The following CPM variants were observed in gnomAD, a reference collection of about 807,000 sequenced individuals.
CPM encodes carboxypeptidase M.
A neutral mutation model predicts 46.4 loss-of-function variants in CPM; 35 were observed. The observed-to-expected ratio is 0.75, with a 90% confidence interval of 0.58 to 1.00. The LOEUF is 1.00. Among genes scored for constraint, CPM ranks in the 50% least tolerant of loss-of-function variants. The pLI is 0.00. For missense variants in CPM, 422 were observed against 530.4 expected, an observed-to-expected ratio of 0.80 and a Z score of 2.01; for synonymous variants, 195 against 195.3, an observed-to-expected ratio of 1.00 and a Z score of 0.01.
intron 3 of CPM, among the ~76,000 whole-genome samples, chr12:68,881,877 C>T (rs186649389): frequency 1.7e-4 from 26 of 151,892 alleles, no homozygotes; most frequent in African/African-American, 6.3e-4. Context: ...CCCACAACTG[C>T]ACCCAGCTAA....
intron 2 of CPM, among the ~76,000 whole-genome samples, chr12:68,918,454 G>T (rs1887900370): frequency 6.6e-6 from 1 of 152,164 alleles, no homozygotes; most frequent in Non-Finnish European, 1.5e-5. Flanking sequence ...GAAAATGTCT[G>T]AATCAGAGCC....
chr12:68,858,732 GGT>G (rs1491427696), intron 8 of CPM, among the ~76,000 whole-genome samples, 189 bp downstream of exon 8: 168 of 90,538 alleles, frequency 1.9e-3, no homozygotes, highest in African/African-American at 9.2e-3. Flanking sequence ...GAATTTTTGT[GGT>G]TTTTTTTTTT....
chr12:68,950,237 G>T (rs1888912928), intron 1 of CPM, among the ~76,000 whole-genome samples: 1 of 152,164 alleles, frequency 6.6e-6, no homozygotes, highest in Admixed American at 6.5e-5. Context: ...TAGCATTGAT[G>T]CTTCAAGAAG....
chr12:68,869,200 A>G (rs1176294464), intron 6 of CPM, 125 bp downstream of exon 6: 1 of 732,930 alleles, frequency 1.4e-6, no homozygotes, highest in African/African-American at 1.8e-5. Flanking sequence ...ATATTAGCTG[A>G]TAAGGACAGA....
rs142887704 is a variant in CPM, at chr12:68,896,538, C to T, written c.161-10649G>A. 1.9e-3 allele frequency among the ~76,000 whole-genome samples: 286 copies of T among 152,162 alleles called. 2 individuals are homozygous for T. Among genetic ancestry groups the T allele is most frequent in the African/African-American group, 6.3e-3 (263 of 41,516 alleles). On this transcript the variant is annotated intron_variant, in intron 2 of 8. Coordinates refer to ENST00000551568, the MANE Select transcript of CPM (RefSeq NM_198320.5). ...CTTGGAGTCCGAGTCACCTTTGGTC[C>T]GGGGATTAGATGAAACTGTTTTCCA...
chr12:68,878,874 C>A (rs1383341482), intron 3 of CPM, among the ~76,000 whole-genome samples: 1 of 152,308 alleles, frequency 6.6e-6, no homozygotes, highest in African/African-American at 2.4e-5. Flanking sequence ...TTCCTACCCC[C>A]CATCTCCCCA....
upstream of CPM, among the ~76,000 whole-genome samples, chr12:68,934,790 A>G (rs527944990): frequency 6.6e-6 from 1 of 152,332 alleles, no homozygotes; most frequent in East Asian, 1.9e-4. Flanking sequence ...ACCTACCTAA[A>G]TAAGGTTGGC....
At position 68,953,904 on chromosome 12, in the gene CPM, C is replaced by T. The variant is rs187197376; in HGVS notation, c.-4+9265G>A. 2.6e-5 allele frequency among the ~76,000 whole-genome samples: 4 copies of T among 152,314 alleles called. No homozygotes were observed. In the East Asian group the frequency reaches 7.7e-4, roughly 29 times the overall value. ...TGGGTTATAATATCAATGCCTTCAC[C>T]ACAGAAGTCGTTGCTGTGTGTTTAT... On this transcript the variant is annotated intron_variant, in intron 1 of 8. Transcript: ENST00000546373.
At chr12:68,859,112 T>C (rs199695490) in intron 7 of CPM, 41 bp from the exon 8 acceptor site, 1 of 1,129,644 alleles carries the variant, frequency 8.9e-7, no homozygotes, top group South Asian at 2.7e-5. Flanking sequence ...TACCATATTT[T>C]ATGGCATATA....
intron 1 of CPM, among the ~76,000 whole-genome samples, chr12:68,941,011 C>G (rs1230124376): frequency 6.6e-6 from 1 of 152,222 alleles, no homozygotes; most frequent in African/African-American, 2.4e-5. Flanking sequence ...CTCTCCTGCT[C>G]CTGGCTACCA....
intron 1 of CPM, among the ~76,000 whole-genome samples, chr12:68,944,401 C>T (rs1031952541): frequency 3.9e-5 from 6 of 152,180 alleles, no homozygotes; most frequent in Admixed American, 6.5e-5. Context: ...ACTATCAGAA[C>T]GTACTTACTT....
intron 2 of CPM, among the ~76,000 whole-genome samples, chr12:68,927,022 A>G (rs1888295279): frequency 6.6e-6 from 1 of 152,240 alleles, no homozygotes; most frequent in South Asian, 2.1e-4. Context: ...CGCAATAAAC[A>G]TACATGTGCA....
chr12:68,933,318 C>G (rs1334797654), upstream of CPM: 3 of 151,680 alleles, frequency 2.0e-5, no homozygotes, highest in African/African-American at 2.4e-5. Flanking sequence ...CTAGGAGAGA[C>G]GGCGCCCGCG....
In CPM at chr12:68,851,576, A is replaced by C. The variant is rs1169352698; in HGVS notation, c.*4861T>G. 6 of 151,120 alleles carry C rather than the reference A, an allele frequency of 4.0e-5. No homozygotes were observed. Among genetic ancestry groups the C allele is most frequent in the Non-Finnish European group, 8.8e-5 (6 of 67,948 alleles). The allele number at this position is 151,120 out of a possible 1,614,324, so 9.4% of individuals were successfully genotyped here. A position where few individuals can be genotyped will look rare whatever the true frequency, so the allele number is the denominator to read the frequency against. On this transcript the variant is annotated 3_prime_UTR_variant, in exon 9 of 9. Coordinates refer to ENST00000551568, the MANE Select transcript of CPM (RefSeq NM_198320.5). ...CAGTGAGCCGAGATCACGGCACTGC[A>C]CTCCAACCTGGGTGTTAGGGCGAGA... is the stretch of plus-strand genomic sequence containing the variant.
intron 3 of CPM, among the ~76,000 whole-genome samples, chr12:68,876,867 GGTGTGTGTGTGTGTGCACGCGCATGC>G (rs1036776752): frequency 2.0e-5 from 3 of 150,162 alleles, no homozygotes; most frequent in African/African-American, 7.4e-5. Context: ...AGTGTTGTGT[GGTGTGTGTGTGTGTGCACGCGCATGC>G]GTGTGTGTGT....
At chr12:68,904,126 C>T (rs896615939) in intron 2 of CPM, among the ~76,000 whole-genome samples, 1 of 152,120 alleles carries the variant, frequency 6.6e-6, no homozygotes, top group Non-Finnish European at 1.5e-5. Flanking sequence ...GTGATCCCAC[C>T]GCCTTGGCCC....
chr12:68,879,048 T>C (rs920964664), intron 3 of CPM, among the ~76,000 whole-genome samples: 1 of 152,062 alleles, frequency 6.6e-6, no homozygotes, highest in African/African-American at 2.4e-5. Flanking sequence ...CTTAGCCTGG[T>C]GTGGTGGCAC....
In CPM at chr12:68,855,729, G is replaced by C. The variant is rs912078204; in HGVS notation, c.*708C>G. 6.8e-6 allele frequency: 1 copy of C among 147,092 alleles called. No homozygotes were observed. The highest frequency in any genetic ancestry group is 1.5e-5 in the Non-Finnish European group (1 of 67,224). 9.1% of individuals were successfully genotyped at this position (147,092 alleles called of 1,614,324 possible). On this transcript the variant is annotated 3_prime_UTR_variant, in exon 9 of 9. Transcript: ENST00000551568. The stretch of plus-strand genomic sequence containing the variant: ...GCACTCATGGTGAGGTGTTTTTTTT[G>C]TTTGTTTGTTTTTGTTTTTTTTTTT...
At chr12:68,901,506 T>C (rs1188472624) in intron 2 of CPM, among the ~76,000 whole-genome samples, 1 of 152,240 alleles carries the variant, frequency 6.6e-6, no homozygotes, top group Admixed American at 6.5e-5. Flanking sequence ...GTCAAGCACA[T>C]TAGCTTTATT....
Sources: allele counts gnomAD v4.1 joint callset (sites outside exome capture counted in the v4.1 genomes callset), GRCh38; gene constraint gnomAD v4.1.1; transcripts MANE v1.5; gene names NCBI Gene and HGNC (gene_info 2026-07-23, HGNC 2026-07-21).